The following APCDD1L variants were observed in gnomAD, a reference collection of about 807,000 sequenced individuals.
APCDD1L encodes protein APCDD1-like.
Under a neutral mutation model 24.2 loss-of-function variants are expected in APCDD1L, and 21 were observed. That is an observed-to-expected ratio of 0.87 (90% CI 0.61 to 1.25). The LOEUF (loss-of-function observed/expected upper bound fraction) is 1.25, where lower values mean the gene tolerates loss of function less well. Among genes scored for constraint, APCDD1L ranks in the 50% most tolerant of loss-of-function variants. APCDD1L has a pLI of 0.00. For missense variants in APCDD1L, 704 were observed against 711.7 expected (o/e 0.99, Z 0.12); for synonymous variants, 321 against 323.6 (o/e 0.99, Z 0.09).
chr20:58,513,860 G>T (rs1275925025), intron 1 of APCDD1L: 5 of 1,300,344 alleles, frequency 3.8e-6, no homozygotes, highest in Non-Finnish European at 5.1e-6. Flanking sequence ...GGGCTTCCCA[G>T]CCAGGTGGTC....
intron 3 of APCDD1L, among the ~76,000 whole-genome samples, chr20:58,463,901 G>A (rs907663718): frequency 1.5e-5 from 2 of 135,438 alleles, no homozygotes; most frequent in East Asian, 5.1e-4. Flanking sequence ...TTTTGGGGGG[G>A]GGGGGCGTCA....
chr20:58,499,352 C>T lies in APCDD1L; in HGVS notation c.49+15307G>A, dbSNP rs79434883. ...AGGGCTTTGCCACAGTGAGAGAGGA[C>T]GGGAATGGAACCCAAGGGAAGCCTG... On this transcript the variant is annotated intron_variant, in intron 1 of 3. Transcript: ENST00000371149. Among the ~76,000 whole-genome samples, 685 of 152,272 alleles carry T rather than the reference C, an allele frequency of 4.5e-3. 9 individuals are homozygous for T. Among genetic ancestry groups the T allele is most frequent in the African/African-American group, 0.015 (642 of 41,546 alleles).
At chr20:58,489,614 GCAGAGGTTGCAGT>G (rs1472243351) in intron 1 of APCDD1L, among the ~76,000 whole-genome samples, 2 of 151,768 alleles carry the variant, frequency 1.3e-5, no homozygotes, top group Non-Finnish European at 2.9e-5. Context: ...AACCTGGGAG[GCAGAGGTTGCAGT>G]CAGCCGAGAT....
intron 1 of APCDD1L, among the ~76,000 whole-genome samples, chr20:58,505,715 C>A (rs1203126380): frequency 6.6e-6 from 1 of 151,994 alleles, no homozygotes; most frequent in East Asian, 1.9e-4. Flanking sequence ...TGCTGAAGTC[C>A]TAACTCTAGT....
intron 1 of APCDD1L, among the ~76,000 whole-genome samples, chr20:58,512,226 G>C (rs1262154353): frequency 6.6e-6 from 1 of 152,212 alleles, no homozygotes; most frequent in Non-Finnish European, 1.5e-5. Flanking sequence ...TTTTCTTGGG[G>C]CCCCACTGTG....
At chr20:58,513,486 C>G (rs1339112123) in intron 1 of APCDD1L, among the ~76,000 whole-genome samples, 1 of 152,176 alleles carries the variant, frequency 6.6e-6, no homozygotes, top group African/African-American at 2.4e-5. Context: ...CCTTCAGACC[C>G]CTGCCAGTTC....
chr20:58,471,508 G>A (rs1367553972), intron 1 of APCDD1L, among the ~76,000 whole-genome samples: 3 of 152,240 alleles, frequency 2.0e-5, no homozygotes, highest in Non-Finnish European at 4.4e-5. Context: ...AGATGGACAC[G>A]GGAAGCAGGC....
chr20:58,463,143 C>CAAAAAAAAAAAAAAAAAAAAAAAA (rs398036014), intron 3 of APCDD1L, among the ~76,000 whole-genome samples: 1 of 93,778 alleles, frequency 1.1e-5, no homozygotes, highest in Admixed American at 1.4e-4. Flanking sequence ...CTCCATCTCA[C>CAAAAAAAAAAAAAAAAAAAAAAAA]AAAAAAAAAA....
intron 2 of APCDD1L, among the ~76,000 whole-genome samples, chr20:58,469,487 T>C (rs552646285): frequency 6.6e-6 from 1 of 152,244 alleles, no homozygotes; most frequent in South Asian, 2.1e-4. Context: ...CAGGGAACTT[T>C]CAAGGAAGAA....
intron 1 of APCDD1L, among the ~76,000 whole-genome samples, chr20:58,483,047 C>CCT (rs945202516): frequency 6.6e-6 from 1 of 152,198 alleles, no homozygotes; most frequent in African/African-American, 2.4e-5. Flanking sequence ...AGAAGAGGGG[C>CCT]CTCCAGAGGG....
chr20:58,497,325 G>A lies in APCDD1L; in HGVS notation c.49+17334C>T, dbSNP rs532849304. ...CCTGGAAAGTGGGTTCTCCCTGGGG[G>A]AGTCTCCCTGCCATGGGGAGAGGGC... On this transcript the variant is annotated intron_variant, in intron 1 of 3. Transcript: ENST00000371149. The surrounding 1 kb of genome is among the most constrained non-coding windows in gnomAD (Gnocchi z 4.3). Among the ~76,000 whole-genome samples the A allele has an allele frequency of 2.0e-5, 3 of 152,138 alleles. No individual in the cohort carries two copies. The highest frequency in any genetic ancestry group is 2.1e-4 in the South Asian group (1 of 4,828).
chr20:58,493,046 T>C (rs1318735309), intron 1 of APCDD1L, among the ~76,000 whole-genome samples: 2 of 140,578 alleles, frequency 1.4e-5, no homozygotes, highest in African/African-American at 2.7e-5. Context: ...TACACACACA[T>C]ACACATGCAC....
chr20:58,499,077 G>A (rs146563623), intron 1 of APCDD1L, among the ~76,000 whole-genome samples: 14 of 152,326 alleles, frequency 9.2e-5, no homozygotes, highest in African/African-American at 2.6e-4. Flanking sequence ...TTTCTTCTGC[G>A]GGAGGGACAG....
intron 2 of APCDD1L, among the ~76,000 whole-genome samples, chr20:58,468,693 G>C (rs537436515): frequency 3.9e-5 from 6 of 151,964 alleles, no homozygotes; most frequent in African/African-American, 1.5e-4. Context: ...TCAGTCTCCC[G>C]AGTAGCTGCA....
chr20:58,473,093 G>T (rs1483483057), intron 1 of APCDD1L, among the ~76,000 whole-genome samples: 2 of 152,150 alleles, frequency 1.3e-5, no homozygotes, highest in Non-Finnish European at 2.9e-5. Context: ...GGATCAAAAG[G>T]GGTCAGCAAT....
At chr20:58,470,162 T>C (rs1465103056) in intron 2 of APCDD1L, among the ~76,000 whole-genome samples, 1 of 152,208 alleles carries the variant, frequency 6.6e-6, no homozygotes, top group Admixed American at 6.5e-5. Context: ...ATTCCTCTCC[T>C]TTTAGCTCTC....
At chr20:58,510,010 A>G (rs1280892663) in intron 1 of APCDD1L, among the ~76,000 whole-genome samples, 1 of 152,156 alleles carries the variant, frequency 6.6e-6, no homozygotes, top group Non-Finnish European at 1.5e-5. Flanking sequence ...AGCTTTGCAC[A>G]TACTAGTCCT....
At chr20:58,466,955 A>C in intron 3 of APCDD1L, 151 bp downstream of exon 3, 2 of 980,328 alleles carry the variant, frequency 2.0e-6, no homozygotes, top group South Asian at 3.5e-5. Flanking sequence ...GTCCTGAGGC[A>C]CGCGGACCAG....
intron 1 of APCDD1L, among the ~76,000 whole-genome samples, chr20:58,512,224 G>A (rs1482031853): frequency 6.6e-6 from 1 of 152,216 alleles, no homozygotes; most frequent in Non-Finnish European, 1.5e-5. Context: ...GTTTTTCTTG[G>A]GGCCCCACTG....
Sources: allele counts gnomAD v4.1 joint callset (sites outside exome capture counted in the v4.1 genomes callset), GRCh38; gene constraint gnomAD v4.1.1; non-coding constraint Gnocchi (gnomAD v3.1); transcripts MANE v1.5; gene names NCBI Gene and HGNC (gene_info 2026-07-23, HGNC 2026-07-21).